The following SYT6 variants were observed in gnomAD, a reference collection of about 807,000 sequenced individuals.
The protein encoded by SYT6 is synaptotagmin 6, also known as synaptotagmin-6.
In SYT6, 24 loss-of-function variants were observed where a neutral mutation model predicts 38.4. The ratio of observed to expected loss-of-function variants is 0.62; its 90% CI spans 0.45 to 0.88. The LOEUF is 0.88. Among genes scored for constraint, SYT6 ranks in the 40% least tolerant of loss-of-function variants. SYT6 has a pLI of 0.00. For synonymous variants in SYT6, 265 were observed against 241.9 expected, an observed-to-expected ratio of 1.10 and a Z score of -0.89; for missense variants, 611 against 621.0, an observed-to-expected ratio of 0.98 and a Z score of 0.17.
At chr1:114,141,637 C>G (rs2629830) in intron 1 of SYT6, among the ~76,000 whole-genome samples, 114,847 of 152,208 alleles carry the variant, frequency 0.75, 44,401 homozygotes, top group African/African-American at 0.92. Context: ...CTAAACAACA[C>G]ATTTTCAGAG....
At chr1:114,153,167 G>C (rs1009900598) in intron 1 of SYT6, among the ~76,000 whole-genome samples, 4 of 152,196 alleles carry the variant, frequency 2.6e-5, no homozygotes, top group East Asian at 1.9e-4. Context: ...ACAAACGGAC[G>C]GACAGACCGA....
intron 3 of SYT6, among the ~76,000 whole-genome samples, chr1:114,105,463 A>C (rs746972965): frequency 3.0e-5 from 4 of 134,318 alleles, no homozygotes; most frequent in Non-Finnish European, 4.7e-5. Context: ...TCACCCCCCA[A>C]ATCAAATTCT....
chr1:114,127,988 G>T (rs1263268884), intron 3 of SYT6, among the ~76,000 whole-genome samples: 1 of 152,246 alleles, frequency 6.6e-6, no homozygotes. Context: ...TTCTGACTCA[G>T]GTGGGTGGGG....
In SYT6 at chr1:114,099,229, C is replaced by T. The variant is rs762741956; in HGVS notation, c.1229G>A (p.Arg410Gln). ...YVKVSLLCDGRRLKKKKTTIK... is the reference protein window; with the variant it reads ...YVKVSLLCDGQRLKKKKTTIK... Reference sequence around the variant, plus strand: ...GGTTGTTTTCTTCTTCTTCAGCCTCCGCCCATCACAGAGCAAGGACACTTT... The same window carrying T: ...GGTTGTTTTCTTCTTCTTCAGCCTCTGCCCATCACAGAGCAAGGACACTTT... The change falls in exon 5 of 8, where the codon CGG becomes CAG. Residue 410 changes from arginine to glutamine, a missense_variant. Arg to Gln is a conservative substitution (Grantham distance 43, BLOSUM62 1). Transcript: ENST00000610222. 3.2e-5 allele frequency: 51 copies of T among 1,613,740 alleles called. No homozygotes were observed. Among genetic ancestry groups the T allele is most frequent in the Non-Finnish European group, 4.1e-5 (48 of 1,179,876 alleles).
At position 114,145,137 on chromosome 1, in the gene SYT6, G is replaced by T. The variant is rs564392817; in HGVS notation, c.164-5174C>A. Among the ~76,000 whole-genome samples the T allele has an allele frequency of 3.4e-4, 51 of 151,908 alleles. 1 individual carries two copies. In the South Asian group the frequency reaches 9.4e-3, roughly 28 times the overall value. On this transcript the variant is annotated intron_variant, in intron 1 of 7. Coordinates refer to ENST00000610222, the MANE Select transcript of SYT6 (RefSeq NM_001253772.2). ...AAGCTCGGGGCAGGTGGACACAAGA[G>T]AAAAAAACCAAGCCATTTTAATATT...
chr1:114,100,585 G>A (rs7543352), intron 4 of SYT6, among the ~76,000 whole-genome samples: 2,872 of 152,372 alleles, frequency 0.019, 87 homozygotes, highest in African/African-American at 0.065. Context: ...TAACCATGGG[G>A]AGATGAGGTT....
chr1:114,132,418 T>C (rs1366468568), intron 3 of SYT6, among the ~76,000 whole-genome samples: 1 of 152,002 alleles, frequency 6.6e-6, no homozygotes. Context: ...GGCTTATCAC[T>C]GTGGGGTTTC....
intron 1 of SYT6, among the ~76,000 whole-genome samples, chr1:114,151,764 G>C (rs765396646): frequency 6.6e-6 from 1 of 152,154 alleles, no homozygotes; most frequent in Non-Finnish European, 1.5e-5. Context: ...CTCCCTGATA[G>C]GGAAAATTCT....
intron 4 of SYT6, among the ~76,000 whole-genome samples, chr1:114,103,054 G>A (rs1255182170): frequency 6.6e-6 from 1 of 152,160 alleles, no homozygotes; most frequent in East Asian, 1.9e-4. Context: ...TTGGTGCTGA[G>A]GCTGAGGCCA....
intron 3 of SYT6, 102 bp downstream of exon 3, chr1:114,137,393 G>A: frequency 7.3e-7 from 1 of 1,364,200 alleles, no homozygotes; most frequent in Non-Finnish European, 1.0e-6. Context: ...ATCCCAAATG[G>A]CAAAGGCCCA....
chr1:114,138,960 C>T (rs928414269), intron 2 of SYT6, among the ~76,000 whole-genome samples: 4 of 152,218 alleles, frequency 2.6e-5, no homozygotes, highest in Non-Finnish European at 5.9e-5. Context: ...AGAGCCGTTG[C>T]AGGGACCTAG....
Position 114,093,803 on chromosome 1 carries a change from C to T in SYT6, c.1516G>A (p.Gly506Arg). Residue 506 changes from glycine to arginine, a missense_variant and splice_region_variant, in exon 7 of 8, where the codon GGA becomes AGA. Gly to Arg is a moderately radical substitution (Grantham distance 125). Coordinates refer to ENST00000610222, the MANE Select transcript of SYT6 (RefSeq NM_001253772.2). ...GAATGAAATCACAACCGAGGGTTTC[C>T]CTGGTGAAATATTTTAGATAAATAA... is the stretch of plus-strand genomic sequence containing the variant. ...LVEVKKSFKEGNPRL is the reference protein window; with the variant it reads ...LVEVKKSFKERNPRL The T allele has an allele frequency of 6.2e-7, 1 of 1,614,014 alleles. No homozygotes were observed. The highest frequency in any genetic ancestry group is 1.3e-5 in the African/African-American group (1 of 74,988).
intron 3 of SYT6, among the ~76,000 whole-genome samples, chr1:114,125,755 A>C (rs1287059957): frequency 1.3e-5 from 2 of 152,150 alleles, no homozygotes; most frequent in African/African-American, 4.8e-5. Context: ...ATATTTATGT[A>C]CCATGGGGAG....
chr1:114,132,732 A>C (rs945371595), intron 3 of SYT6, among the ~76,000 whole-genome samples: 1 of 152,188 alleles, frequency 6.6e-6, no homozygotes, highest in African/African-American at 2.4e-5. Context: ...CACATGGGCT[A>C]AGCCAGCAGG....
chr1:114,111,299 G>C (rs12095538), intron 3 of SYT6, among the ~76,000 whole-genome samples: 86,647 of 151,996 alleles, frequency 0.57, 24,925 homozygotes, highest in African/African-American at 0.6. Context: ...AAAAGCCTTG[G>C]GAGATGGCTA....
At chr1:114,151,373 C>G (rs1282629370) in intron 1 of SYT6, among the ~76,000 whole-genome samples, 5 of 152,132 alleles carry the variant, frequency 3.3e-5, no homozygotes, top group Non-Finnish European at 5.9e-5. Context: ...TCTGATGCAG[C>G]CTGCAGGGAA....
intron 3 of SYT6, among the ~76,000 whole-genome samples, chr1:114,127,152 C>T (rs182881599): frequency 1.3e-5 from 2 of 152,316 alleles, no homozygotes; most frequent in East Asian, 3.9e-4. Flanking sequence ...CCTTTAGCCC[C>T]CTGGAGCCAA....
Position 114,139,868 on chromosome 1 carries a change from G to T in SYT6, c.259C>A (p.Pro87Thr), listed in dbSNP as rs751862880. ...CTGGAGGCCTCCTTGTTCCTCCAGG[G>T]CATCCAGCACAGCTTCCAAAAGAGA... ...LFLFWKLCWM[P>T]WRNKEASSPS... is the part of the protein sequence containing the mutation. Residue 87 changes from proline to threonine, a missense_variant, in exon 2 of 8, where the codon CCC (proline) becomes ACC (threonine). Coordinates refer to ENST00000610222, the MANE Select transcript of SYT6 (RefSeq NM_001253772.2). 5 of 1,574,722 alleles carry T rather than the reference G, an allele frequency of 3.2e-6. No individual in the cohort carries two copies. The highest frequency in any genetic ancestry group is 4.3e-6 in the Non-Finnish European group (5 of 1,160,896).
rs779964635 is a variant in SYT6 at position 114,118,096 on chromosome 1, G to A, written c.1072-14375C>T. 3.3e-5 allele frequency among the ~76,000 whole-genome samples: 5 copies of A among 152,316 alleles called. No individual in the cohort carries two copies. In the South Asian group the frequency reaches 1.0e-3, roughly 32 times the overall value. The stretch of plus-strand genomic sequence containing the variant: ...GGAGAAGCAAGCGGTGTGGGAGAGG[G>A]GGACAGGAAGGAGGGAGCATGGGGC... On this transcript the variant is annotated intron_variant, in intron 3 of 7. Coordinates refer to ENST00000610222, the MANE Select transcript of SYT6 (RefSeq NM_001253772.2).
Sources: allele counts gnomAD v4.1 joint callset (sites outside exome capture counted in the v4.1 genomes callset), GRCh38; gene constraint gnomAD v4.1.1; transcripts MANE v1.5; gene names NCBI Gene and HGNC (gene_info 2026-07-23, HGNC 2026-07-21).